Variants in CTNND2 observed in about 807,000 individuals in gnomAD.
CTNND2 encodes catenin delta-2.
CTNND2 carries 22 observed loss-of-function variants against 144.4 expected under a neutral mutation model. The ratio of observed to expected loss-of-function variants is 0.15; its 90% confidence interval spans 0.11 to 0.22. The LOEUF (loss-of-function observed/expected upper bound fraction) is 0.22. Among genes scored for constraint, CTNND2 ranks in the 10% least tolerant of loss-of-function variants. CTNND2 has a pLI of 1.00. For missense variants in CTNND2, 1,353 were observed against 1,618.8 expected (o/e 0.84, Z 2.82); for synonymous variants, 751 against 695.6 (o/e 1.08, Z -1.25).
chr5:11,095,484 A>G (rs1464556655), intron 15 of CTNND2, among the ~76,000 whole-genome samples: 2 of 152,262 alleles, frequency 1.3e-5, no homozygotes, highest in Non-Finnish European at 2.9e-5. Flanking sequence ...TAATAAATAG[A>G]AAACACTGCA....
intron 2 of CTNND2, among the ~76,000 whole-genome samples, chr5:11,698,490 TG>T (rs1033907635): frequency 1.3e-4 from 19 of 151,990 alleles, no homozygotes; most frequent in Non-Finnish European, 2.1e-4. Context: ...GGTTTCACCA[TG>T]TTGGCCAGGA....
At chr5:11,798,197 GGTTGCA>G (rs1383592044) in intron 1 of CTNND2, among the ~76,000 whole-genome samples, 1 of 151,646 alleles carries the variant, frequency 6.6e-6, no homozygotes, top group East Asian at 1.9e-4. Context: ...GGGAGGCGGA[GGTTGCA>G]GTGAGCTGAG....
chr5:11,620,875 A>T (rs922882542), intron 2 of CTNND2, among the ~76,000 whole-genome samples: 1 of 152,260 alleles, frequency 6.6e-6, no homozygotes. Context: ...CTGGATGTCG[A>T]ATACCTGAAT....
chr5:11,837,820 G>T (rs892264996), intron 1 of CTNND2, among the ~76,000 whole-genome samples: 1 of 152,010 alleles, frequency 6.6e-6, no homozygotes, highest in Admixed American at 6.6e-5. Context: ...CACAAGTTTG[G>T]GTCACTAATA....
intron 3 of CTNND2, among the ~76,000 whole-genome samples, chr5:11,534,616 A>T (rs1247062730): frequency 6.6e-6 from 1 of 152,112 alleles, no homozygotes; most frequent in African/African-American, 2.4e-5. Context: ...AGGGGAAAAA[A>T]AAAGAAAGAA....
At chr5:11,394,009 A>T (rs1341111499) in intron 6 of CTNND2, among the ~76,000 whole-genome samples, 1 of 152,038 alleles carries the variant, frequency 6.6e-6, no homozygotes, top group Non-Finnish European at 1.5e-5. Flanking sequence ...AGGCTGCCCC[A>T]TCCAGGGGCC....
chr5:11,348,967 C>A (rs1310598185), intron 8 of CTNND2, among the ~76,000 whole-genome samples: 1 of 152,052 alleles, frequency 6.6e-6, no homozygotes, highest in South Asian at 2.1e-4. Context: ...CACTTTAGAC[C>A]CTTTCAGGGA....
chr5:11,065,467 G>A (rs997533821), intron 16 of CTNND2, among the ~76,000 whole-genome samples: 5 of 152,208 alleles, frequency 3.3e-5, no homozygotes, highest in African/African-American at 1.2e-4. Flanking sequence ...TTGCCTATCA[G>A]AAAGAAGCTC....
At chr5:11,845,270 C>A (rs1215462392) in intron 1 of CTNND2, among the ~76,000 whole-genome samples, 1 of 152,148 alleles carries the variant, frequency 6.6e-6, no homozygotes, top group Non-Finnish European at 1.5e-5. Context: ...CACTCACCCC[C>A]AGCACAGTAC....
chr5:11,707,241 G>C (rs934531932), intron 2 of CTNND2, among the ~76,000 whole-genome samples: 2 of 152,054 alleles, frequency 1.3e-5, no homozygotes, highest in African/African-American at 4.8e-5. Context: ...TACCAGGGAA[G>C]CTACTAAAAT....
At chr5:11,192,614 A>G (rs941507525) in intron 11 of CTNND2, among the ~76,000 whole-genome samples, 1 of 152,162 alleles carries the variant, frequency 6.6e-6, no homozygotes, top group Admixed American at 6.5e-5. Flanking sequence ...CAGGGATGCA[A>G]TGCTACTGGC....
In CTNND2 at chr5:10,972,492, T is replaced by C. The variant is rs1212818032; in HGVS notation, c.*961A>G. On this transcript the variant is annotated 3_prime_UTR_variant, in exon 22 of 22. Transcript: ENST00000304623. Reference sequence around the variant, plus strand: ...AAGCAAGAATGTGTATTTTGTAAGATATAGGTTCTTGGAAATAGACATTCT... The same window carrying C: ...AAGCAAGAATGTGTATTTTGTAAGACATAGGTTCTTGGAAATAGACATTCT... 1.3e-5 allele frequency: 2 copies of C among 152,516 alleles called. No homozygotes were observed. The highest frequency in any genetic ancestry group is 4.8e-5 in the African/African-American group (2 of 41,470). 9.4% of individuals were successfully genotyped at this position (152,516 alleles called of 1,614,324 possible). A position where few individuals can be genotyped will look rare whatever the true frequency, so the allele number is the denominator to read the frequency against.
chr5:11,022,005 T>C (rs954312390), intron 17 of CTNND2, among the ~76,000 whole-genome samples: 3 of 152,220 alleles, frequency 2.0e-5, no homozygotes, highest in South Asian at 4.1e-4. Context: ...TGAAGCTATT[T>C]TCCAGCTGTA....
chr5:11,889,192 T>A (rs1736783084), intron 1 of CTNND2, among the ~76,000 whole-genome samples: 1 of 152,156 alleles, frequency 6.6e-6, no homozygotes, highest in African/African-American at 2.4e-5. Context: ...ATGTCAACCA[T>A]GCAGCTGAAG....
intron 2 of CTNND2, among the ~76,000 whole-genome samples, chr5:11,652,369 G>A (rs924906971): frequency 1.3e-4 from 19 of 148,038 alleles, no homozygotes; most frequent in Non-Finnish European, 2.7e-4. Context: ...GCAGAAGTGT[G>A]AATCAATTAA....
chr5:11,045,345 G>A (rs529400558), intron 16 of CTNND2, among the ~76,000 whole-genome samples: 15 of 152,190 alleles, frequency 9.9e-5, no homozygotes, highest in East Asian at 1.9e-4. Context: ...TGCAGAGATC[G>A]TACGGGGAGA....
chr5:11,481,987 C>T (rs560733586), intron 3 of CTNND2, among the ~76,000 whole-genome samples: 1 of 152,258 alleles, frequency 6.6e-6, no homozygotes, highest in South Asian at 2.1e-4. Context: ...CAGCACACAG[C>T]CTTGGGTTTG....
chr5:11,059,513 T>A (rs1746709036), intron 16 of CTNND2, among the ~76,000 whole-genome samples: 2 of 152,194 alleles, frequency 1.3e-5, no homozygotes, highest in South Asian at 4.1e-4. Flanking sequence ...CTTTTCTAAA[T>A]TGCCCAGTCT....
At chr5:11,746,941 T>C (rs1461654331) in intron 1 of CTNND2, among the ~76,000 whole-genome samples, 6 of 152,162 alleles carry the variant, frequency 3.9e-5, no homozygotes, top group Non-Finnish European at 8.8e-5. Flanking sequence ...ATTAAGTATA[T>C]AGCTATAAAA....
Sources: allele counts gnomAD v4.1 joint callset (sites outside exome capture counted in the v4.1 genomes callset), GRCh38; gene constraint gnomAD v4.1.1; transcripts MANE v1.5; gene names NCBI Gene and HGNC (gene_info 2026-07-23, HGNC 2026-07-21).